CTTNBP2: variants seen among roughly 807,000 people sequenced by gnomAD.
CTTNBP2 encodes cortactin-binding protein 2.
Under a neutral mutation model 156.9 loss-of-function variants are expected in CTTNBP2, and 108 were observed. The observed-to-expected ratio is 0.69, with a 90% CI of 0.59 to 0.81. The LOEUF is 0.81. Ranked by LOEUF, CTTNBP2 falls within the 30% of genes least tolerant of loss-of-function variation. The pLI, the probability that CTTNBP2 is intolerant of heterozygous loss-of-function variation, is 0.00. For synonymous variants in CTTNBP2, 767 were observed against 751.8 expected (o/e 1.02, Z -0.33); for missense variants, 1,924 against 2,035.4 (o/e 0.95, Z 1.05).
At position 117,780,618 on chromosome 7, in the gene CTTNBP2, A is replaced by G. The variant is rs373031827; in HGVS notation, c.2373-27T>C. On this transcript the variant is annotated intron_variant, in intron 6 of 22. Coordinates refer to ENST00000160373, the MANE Select transcript of CTTNBP2 (RefSeq NM_033427.3). The stretch of plus-strand genomic sequence containing the variant: ...TAAACACAAGATTAGGATTAATTAC[A>G]TAAAACCTGGGTTTGACCTTTGAAG... 13 of 1,497,314 alleles carry G rather than the reference A, an allele frequency of 8.7e-6. No homozygotes were observed. The African/African-American group carries it at 1.6e-4, about 18-fold the overall frequency. 92.8% of individuals were successfully genotyped at this position (1,497,314 alleles called of 1,614,324 possible). A position where few individuals can be genotyped will look rare whatever the true frequency, so the allele number is the denominator to read the frequency against.
intron 2 of CTTNBP2, among the ~76,000 whole-genome samples, chr7:117,859,231 A>G (rs1047914639): frequency 3.0e-4 from 46 of 152,322 alleles, no homozygotes; most frequent in African/African-American, 1.1e-3. Context: ...ACTGACCTAC[A>G]ATATCATCTA....
chr7:117,777,553 TTC>T lies in CTTNBP2; in HGVS notation c.2734_2735del (p.Glu912ArgfsTer14), dbSNP rs1196049744. The T allele has an allele frequency of 2.5e-6, 4 of 1,613,692 alleles. No homozygotes were observed. Among genetic ancestry groups the T allele is most frequent in the Non-Finnish European group, 3.4e-6 (4 of 1,179,904 alleles). On this transcript the variant is annotated frameshift_variant, in exon 8 of 23. Transcript: ENST00000160373. LOFTEE classifies it high-confidence loss of function. The part of the protein sequence containing the change: ...PADLINHANR[E>X]GWTAAHIAAS... ...CAGCAATGTGGGCAGCAGTCCAGCCTTCTCTGTTGGCGTGGTTAATGAGGTCT... is the reference window on the plus strand; with the variant it reads ...CAGCAATGTGGGCAGCAGTCCAGCCTTCTGTTGGCGTGGTTAATGAGGTCT...
intron 2 of CTTNBP2, among the ~76,000 whole-genome samples, chr7:117,824,054 T>G (rs942679086): frequency 1.3e-5 from 2 of 152,088 alleles, no homozygotes; most frequent in Non-Finnish European, 2.9e-5. Flanking sequence ...CTTGGTCTGG[T>G]AAAAACATGC....
chr7:117,843,422 T>C (rs1584532980), intron 2 of CTTNBP2, among the ~76,000 whole-genome samples: 1 of 152,154 alleles, frequency 6.6e-6, no homozygotes, highest in East Asian at 1.9e-4. Flanking sequence ...AAAGCCTCAC[T>C]AAGATGACAT....
At chr7:117,742,320 A>T (rs774927940) in intron 14 of CTTNBP2, among the ~76,000 whole-genome samples, 3 of 152,242 alleles carry the variant, frequency 2.0e-5, no homozygotes, top group Non-Finnish European at 4.4e-5. Flanking sequence ...ATGAGCAAAG[A>T]CATGCAGAGT....
chr7:117,717,163 A>T (rs1794445744), intron 22 of CTTNBP2, among the ~76,000 whole-genome samples: 1 of 152,152 alleles, frequency 6.6e-6, no homozygotes, highest in African/African-American at 2.4e-5. Context: ...TTATTAACCA[A>T]CTGATAATGG....
In CTTNBP2 at chr7:117,792,355, G is replaced by C; in HGVS notation, c.841C>G (p.Leu281Val). The C allele has an allele frequency of 6.2e-7, 1 of 1,614,202 alleles. No homozygotes were observed. Among genetic ancestry groups the C allele is most frequent in the Non-Finnish European group, 8.5e-7 (1 of 1,180,036 alleles). ...CGCCTATCTTTTGTCTTCCGTGGAA[G>C]AGAGAGGCTTGGTTTGCTGTCACTT... ...RGSDSKPSLS[L>V]PRKTKDRRLV... is the part of the protein sequence containing the mutation. Residue 281 changes from leucine (L) to valine (V), a missense_variant, in exon 4 of 23, where the codon CTT (leucine) becomes GTT (valine). Leu to Val is a conservative substitution (Grantham distance 32, BLOSUM62 1). Coordinates refer to ENST00000160373, the MANE Select transcript of CTTNBP2 (RefSeq NM_033427.3). The surrounding 1 kb of genome is among the most constrained non-coding windows in gnomAD (Gnocchi z 4.2).
At chr7:117,851,394 C>A (rs1296469942) in intron 2 of CTTNBP2, among the ~76,000 whole-genome samples, 1 of 152,216 alleles carries the variant, frequency 6.6e-6, no homozygotes, top group Non-Finnish European at 1.5e-5. Flanking sequence ...CCCCCTCACA[C>A]ACACACAACA....
chr7:117,766,796 G>T (rs1458179908), intron 9 of CTTNBP2, among the ~76,000 whole-genome samples: 1 of 152,236 alleles, frequency 6.6e-6, no homozygotes, highest in Non-Finnish European at 1.5e-5. Flanking sequence ...GAAGAAAAAT[G>T]CAATAAATAT....
chr7:117,867,022 T>C (rs1804246558), intron 1 of CTTNBP2, among the ~76,000 whole-genome samples: 1 of 152,216 alleles, frequency 6.6e-6, no homozygotes, highest in Admixed American at 6.5e-5. Flanking sequence ...GCTGTATCAC[T>C]GACATGCAAA....
chr7:117,744,728 T>TACACAC (rs34300258), intron 14 of CTTNBP2, among the ~76,000 whole-genome samples: 68 of 151,164 alleles, frequency 4.5e-4, no homozygotes, highest in Non-Finnish European at 7.8e-4. Flanking sequence ...CTACAAAAAA[T>TACACAC]ACACACACAC....
chr7:117,751,272 T>A (rs1383673207), intron 12 of CTTNBP2, among the ~76,000 whole-genome samples: 1 of 152,190 alleles, frequency 6.6e-6, no homozygotes. Context: ...AAGCAATAAA[T>A]CCCAAGTTTT....
chr7:117,851,997 A>G (rs761833836), intron 2 of CTTNBP2, among the ~76,000 whole-genome samples: 1 of 152,190 alleles, frequency 6.6e-6, no homozygotes, highest in Non-Finnish European at 1.5e-5. Context: ...ATCTAAAACT[A>G]GATTCTGTTG....
intron 8 of CTTNBP2, among the ~76,000 whole-genome samples, chr7:117,774,253 A>C (rs1797977992): frequency 1.3e-5 from 2 of 152,200 alleles, no homozygotes; most frequent in Non-Finnish European, 2.9e-5. Flanking sequence ...CTAACGTGGA[A>C]AAAGGACAGA....
rs1184331045 is a variant in CTTNBP2, at chr7:117,770,512, GTTCCAGGCACA to G, written c.2779-3347_2779-3337del. ...CAACAACTATTTGAGCACATACTAA[GTTCCAGGCACA>G]TTCCACACTTTGCAAGTATTCAGTG... On this transcript the variant is annotated intron_variant, in intron 8 of 22. Transcript: ENST00000160373. Among the ~76,000 whole-genome samples, 5 of 152,306 alleles carry G rather than the reference GTTCCAGGCACA, an allele frequency of 3.3e-5. No homozygotes were observed. In the East Asian group the frequency reaches 9.6e-4, roughly 29 times the overall value.
At chr7:117,734,131 T>C (rs573670901) in intron 16 of CTTNBP2, among the ~76,000 whole-genome samples, 2 of 152,180 alleles carry the variant, frequency 1.3e-5, no homozygotes, top group Non-Finnish European at 2.9e-5. Flanking sequence ...ACCTGGGACC[T>C]GAGACGTTGG....
chr7:117,845,195 G>A (rs1802513524), intron 2 of CTTNBP2, among the ~76,000 whole-genome samples: 1 of 152,144 alleles, frequency 6.6e-6, no homozygotes, highest in Non-Finnish European at 1.5e-5. Flanking sequence ...TGCAAAGGAG[G>A]AATTGCAGCA....
At chr7:117,801,971 T>C (rs1799633701) in intron 3 of CTTNBP2, among the ~76,000 whole-genome samples, 1 of 151,882 alleles carries the variant, frequency 6.6e-6, no homozygotes, top group East Asian at 1.9e-4. Flanking sequence ...GTTAGTTACA[T>C]ATGTATACAT....
intron 8 of CTTNBP2, among the ~76,000 whole-genome samples, chr7:117,769,728 C>G (rs186013878): frequency 6.6e-6 from 1 of 152,236 alleles, no homozygotes; most frequent in East Asian, 1.9e-4. Context: ...GAAATGAACT[C>G]TAATTAGAAA....
Sources: gnomAD v4.1 joint callset for allele counts (sites outside exome capture counted in the v4.1 genomes callset) on GRCh38, gnomAD v4.1.1 for gene constraint, Gnocchi (gnomAD v3.1) non-coding constraint, MANE v1.5 for transcripts, NCBI Gene and HGNC (gene_info 2026-07-23, HGNC 2026-07-21) for gene names.